ABCA4: variants seen among roughly 807,000 people sequenced by gnomAD.
The protein encoded by ABCA4 is retinal-specific phospholipid-transporting ATPase ABCA4.
ABCA4 carries 196 observed loss-of-function variants against 263.7 expected under a neutral mutation model. That is an observed-to-expected ratio of 0.74 (90% confidence interval 0.66 to 0.84). The LOEUF is 0.84. Among genes scored for constraint, ABCA4 ranks in the 40% least tolerant of loss-of-function variants. ABCA4 has a pLI of 0.00. For missense variants in ABCA4, 2,792 were observed against 2,855.1 expected, an observed-to-expected ratio of 0.98 and a Z score of 0.50; for synonymous variants, 1,133 against 1,094.2, an observed-to-expected ratio of 1.04 and a Z score of -0.70.
intron 38 of ABCA4, among the ~76,000 whole-genome samples, chr1:94,013,195 G>A (rs2101011231): frequency 6.8e-6 from 1 of 147,420 alleles, no homozygotes; most frequent in East Asian, 2.0e-4. Context: ...GGGTGCTCTG[G>A]CCATCTGCTG....
rs375399544 is a variant in ABCA4, at chr1:94,067,751, G to A, written c.1555-4434C>T. On this transcript the variant is annotated intron_variant, in intron 11 of 49. Coordinates refer to ENST00000370225, the MANE Select transcript of ABCA4 (RefSeq NM_000350.3). ...GTAGGAATAAAAGCAGATGCTTGCTGAAGGCTTACTATACGGCCAAAACTG... is the reference window on the plus strand; with the variant it reads ...GTAGGAATAAAAGCAGATGCTTGCTAAAGGCTTACTATACGGCCAAAACTG... 2.0e-4 allele frequency among the ~76,000 whole-genome samples: 31 copies of A among 152,320 alleles called. 1 individual carries two copies. Among genetic ancestry groups the A allele is most frequent in the African/African-American group, 7.2e-4 (30 of 41,582 alleles).
At chr1:94,078,546 CGCTTCCTCCT>C in intron 10 of ABCA4, 34 bp downstream of exon 10, 1 of 992,300 alleles carries the variant, frequency 1.0e-6, no homozygotes, top group Non-Finnish European at 1.6e-6. Context: ...TTGCCCCCAC[CGCTTCCTCCT>C]CCCCTCCCCT....
chr1:94,085,376 A>C (rs894502220), intron 6 of ABCA4, among the ~76,000 whole-genome samples: 2 of 152,240 alleles, frequency 1.3e-5, no homozygotes, highest in African/African-American at 4.8e-5. Context: ...AAACGTTTTA[A>C]TAATAAAAAA....
At chr1:94,025,070 G>A (rs78742319) in intron 30 of ABCA4, 22 bp from the exon 31 acceptor site, 25 of 1,597,552 alleles carry the variant, frequency 1.6e-5, no homozygotes, top group African/African-American at 2.7e-5. Context: ...AGACACCCAC[G>A]TTAATTACCT....
chr1:93,999,141 G>A (rs1015038824), intron 47 of ABCA4, among the ~76,000 whole-genome samples: 13 of 152,106 alleles, frequency 8.5e-5, no homozygotes, highest in African/African-American at 3.1e-4. Context: ...TGCCTTCTGA[G>A]TTCAAGCAAT....
At chr1:94,076,355 C>T (rs367549124) in intron 11 of ABCA4, among the ~76,000 whole-genome samples, 7 of 152,284 alleles carry the variant, frequency 4.6e-5, no homozygotes, top group Admixed American at 3.9e-4. Flanking sequence ...AGAGATGAAG[C>T]TGAGCAGAGG....
At chr1:94,102,912 A>C (rs540952053) in intron 5 of ABCA4, 103 bp downstream of exon 5, 1 of 1,519,100 alleles carries the variant, frequency 6.6e-7, no homozygotes, top group African/African-American at 1.4e-5. Context: ...TCTGAATGTG[A>C]ACACAAGGAA....
chr1:94,112,285 A>G (rs1434921808), intron 2 of ABCA4, among the ~76,000 whole-genome samples: 1 of 152,196 alleles, frequency 6.6e-6, no homozygotes, highest in Admixed American at 6.5e-5. Context: ...ATTGTATAGC[A>G]TCTCTTGTCC....
Position 93,992,865 on chromosome 1 carries a change from T to C in ABCA4, c.*372A>G, listed in dbSNP as rs3747961. ...GTGATGAGTGCATTTGCATTTTATT[T>C]TTCCATGAAAATCACACACAACGCA... is the stretch of plus-strand genomic sequence containing the variant. On this transcript the variant is annotated 3_prime_UTR_variant, in exon 50 of 50. Transcript: ENST00000370225. 20,166 of 335,058 alleles carry C rather than the reference T, an allele frequency of 0.06. 975 individuals carry two copies. The highest frequency in any genetic ancestry group is 0.16 in the African/African-American group (7,756 of 47,490). The allele number at this position is 335,058 out of a possible 1,614,324, so 20.8% of individuals were successfully genotyped here. A position where few individuals can be genotyped will look rare whatever the true frequency, so the allele number is the denominator to read the frequency against.
chr1:94,008,352 G>A (rs1483927623), intron 41 of ABCA4, 55 bp from the exon 42 acceptor site: 15 of 1,552,226 alleles, frequency 9.7e-6, no homozygotes, highest in Admixed American at 8.3e-5. Context: ...GAGCAAGGAG[G>A]GGAAGAGGGA....
At chr1:94,050,532 T>C (rs2101061993) in intron 17 of ABCA4, among the ~76,000 whole-genome samples, 1 of 152,378 alleles carries the variant, frequency 6.6e-6, no homozygotes, top group South Asian at 2.1e-4. Context: ...ATATTTGTGA[T>C]TCACTTTTGA....
At chr1:94,029,043 T>C (rs1660124000) in intron 30 of ABCA4, among the ~76,000 whole-genome samples, 1 of 151,336 alleles carries the variant, frequency 6.6e-6, no homozygotes, top group Non-Finnish European at 1.5e-5. Context: ...TTTAAGACAA[T>C]ATTTGGAATA....
At chr1:93,996,694 AC>A (rs57809043) in intron 48 of ABCA4, among the ~76,000 whole-genome samples, 10 of 152,216 alleles carry the variant, frequency 6.6e-5, no homozygotes, top group African/African-American at 1.2e-4. Flanking sequence ...TTTTAAAAAA[AC>A]ATATATAAAA....
rs61751263 is a variant in ABCA4 at position 94,060,760 on chromosome 1, C to T, written c.1938-1G>A. 4 of 1,607,626 alleles carry T rather than the reference C, an allele frequency of 2.5e-6. No individual in the cohort carries two copies. Among genetic ancestry groups the T allele is most frequent in the Non-Finnish European group, 2.6e-6 (3 of 1,176,138 alleles). On this transcript the variant is annotated splice_acceptor_variant, in intron 13 of 49. Coordinates refer to ENST00000370225, the MANE Select transcript of ABCA4 (RefSeq NM_000350.3). LOFTEE classifies it high-confidence loss of function. ...ACAGCGGTTCAGGATGATCATGAAA[C>T]TAAAGCAAAAGGAGAGAAGCAGAAT... is the stretch of plus-strand genomic sequence containing the variant.
At chr1:94,103,166 C>T (rs909518443) in intron 4 of ABCA4, 24 bp from the exon 5 acceptor site, 1 of 1,612,978 alleles carries the variant, frequency 6.2e-7, no homozygotes, top group Non-Finnish European at 8.5e-7. Context: ...AGAGAAAGAA[C>T]AGGGTGTTGA....
At chr1:94,120,363 A>C (rs887262406) in intron 1 of ABCA4, among the ~76,000 whole-genome samples, 1 of 152,190 alleles carries the variant, frequency 6.6e-6, no homozygotes, top group African/African-American at 2.4e-5. Flanking sequence ...AATGTGCGTG[A>C]TGGTTAATAA....
At chr1:94,070,663 A>C (rs1243239887) in intron 11 of ABCA4, among the ~76,000 whole-genome samples, 2 of 152,192 alleles carry the variant, frequency 1.3e-5, no homozygotes, top group African/African-American at 4.8e-5. Flanking sequence ...ATCAAGGGCT[A>C]CAGGGAAGGG....
chr1:94,060,009 A>G (rs2101074275), intron 14 of ABCA4, among the ~76,000 whole-genome samples: 1 of 152,308 alleles, frequency 6.6e-6, no homozygotes, highest in South Asian at 2.1e-4. Context: ...GAGGTGTTGG[A>G]GCTTTTTCAG....
Position 94,031,761 on chromosome 1 carries a change from C to G in ABCA4, c.4128+17G>C. ...AGGAGCCACTGAGCTCAGCTAAACA[C>G]CGACCGACAATAGTACCTGCGCCAG... is the stretch of plus-strand genomic sequence containing the variant. On this transcript the variant is annotated intron_variant, in intron 27 of 49. Coordinates refer to ENST00000370225, the MANE Select transcript of ABCA4 (RefSeq NM_000350.3). 1 of 1,613,038 alleles carries G rather than the reference C, an allele frequency of 6.2e-7. No individual in the cohort carries two copies. The highest frequency in any genetic ancestry group is 8.5e-7 in the Non-Finnish European group (1 of 1,180,014).
Sources: gnomAD v4.1 joint callset for allele counts (sites outside exome capture counted in the v4.1 genomes callset) on GRCh38, gnomAD v4.1.1 for gene constraint, MANE v1.5 for transcripts, NCBI Gene and HGNC (gene_info 2026-07-23, HGNC 2026-07-21) for gene names.